Variants in MAP2K4 observed in about 807,000 individuals in gnomAD.
MAP2K4 encodes mitogen-activated protein kinase kinase 4.
A neutral mutation model predicts 48.5 loss-of-function variants in MAP2K4; 4 were observed. The ratio of observed to expected loss-of-function variants is 0.08; its 90% CI spans 0.04 to 0.19. The LOEUF (loss-of-function observed/expected upper bound fraction) is 0.19. Ranked by LOEUF, MAP2K4 falls within the 10% of genes least tolerant of loss-of-function variation. MAP2K4 has a pLI of 1.00. For synonymous variants in MAP2K4, 166 were observed against 173.1 expected (o/e 0.96, Z 0.32); for missense variants, 258 against 493.3 (o/e 0.52, Z 4.52).
intron 1 of MAP2K4, among the ~76,000 whole-genome samples, chr17:12,052,346 G>GTGTA (rs1970168950): frequency 2.0e-5 from 3 of 152,146 alleles, no homozygotes; most frequent in Admixed American, 2.0e-4. Flanking sequence ...CTTCATCATG[G>GTGTA]TGTACGTTTA....
At chr17:12,049,010 G>T (rs1036781117) in intron 1 of MAP2K4, among the ~76,000 whole-genome samples, 2 of 152,066 alleles carry the variant, frequency 1.3e-5, no homozygotes, top group African/African-American at 4.8e-5. Flanking sequence ...CATTACCGTA[G>T]TAATTTAGGG....
chr17:12,023,483 C>G (rs765246386), intron 1 of MAP2K4, among the ~76,000 whole-genome samples: 3 of 152,138 alleles, frequency 2.0e-5, no homozygotes, highest in Non-Finnish European at 4.4e-5. Context: ...TCCTTCTCCC[C>G]CAATCTAATT....
Position 12,032,247 on chromosome 17 carries a change from C to G in MAP2K4, c.115+11246C>G, listed in dbSNP as rs775043720. On this transcript the variant is annotated intron_variant, in intron 1 of 10. Coordinates refer to ENST00000353533, the MANE Select transcript of MAP2K4 (RefSeq NM_003010.4). ...TTGATTTACAGTAAATGAACTGGAA[C>G]TTATCTTTTTTACTTTAGGCTTTCA... 2.6e-5 allele frequency: 36 copies of G among 1,392,450 alleles called. 1 individual carries two copies. The highest frequency in any genetic ancestry group is 2.1e-4 in the Admixed American group (8 of 38,296). The allele number at this position is 1,392,450 out of a possible 1,614,324, so 86.3% of individuals were successfully genotyped here.
At chr17:12,139,115 A>C (rs574481475) in intron 9 of MAP2K4, among the ~76,000 whole-genome samples, 1 of 152,246 alleles carries the variant, frequency 6.6e-6, no homozygotes, top group Non-Finnish European at 1.5e-5. Flanking sequence ...TATGTTACCC[A>C]TATTAATTCA....
intron 1 of MAP2K4, among the ~76,000 whole-genome samples, chr17:12,047,137 C>T (rs17614045): frequency 9.2e-5 from 14 of 151,612 alleles, no homozygotes; most frequent in Non-Finnish European, 1.9e-4. Flanking sequence ...TGCCAGAGGT[C>T]GGAAATGCTG....
chr17:12,129,297 T>TGATTTATGAATGG lies in MAP2K4; in HGVS notation c.1040+11_1040+23dup, dbSNP rs1255939195. The TGATTTATGAATGG allele has an allele frequency of 6.2e-7, 1 of 1,614,216 alleles. No homozygotes were observed. The highest frequency in any genetic ancestry group is 1.3e-5 in the African/African-American group (1 of 75,076). The stretch of plus-strand genomic sequence containing the variant: ...ACTTTGTCAACTTGTGGTGAGTACC[T>TGATTTATGAATGG]GATTTATGAATGGTCGAACACGCAT... On this transcript the variant is annotated intron_variant, in intron 9 of 10. Transcript: ENST00000353533.
At chr17:12,124,260 G>A (rs1972781225) in intron 7 of MAP2K4, 1 of 152,172 alleles carries the variant, frequency 6.6e-6, no homozygotes, top group Non-Finnish European at 1.5e-5. Flanking sequence ...AGGATCCATT[G>A]TCAACTCTGT....
intron 1 of MAP2K4, among the ~76,000 whole-genome samples, chr17:12,037,598 T>C (rs1969640095): frequency 6.6e-6 from 1 of 150,808 alleles, no homozygotes; most frequent in African/African-American, 2.4e-5. Flanking sequence ...TGTCATTTAC[T>C]GCTCTTGGAG....
At chr17:12,126,498 G>T (rs377739562) in intron 8 of MAP2K4, among the ~76,000 whole-genome samples, 1 of 152,168 alleles carries the variant, frequency 6.6e-6, no homozygotes, top group Non-Finnish European at 1.5e-5. Context: ...GCTAGTGAGG[G>T]CTTGCTTCCT....
At chr17:12,090,141 C>G (rs527947995) in intron 3 of MAP2K4, among the ~76,000 whole-genome samples, 2 of 152,256 alleles carry the variant, frequency 1.3e-5, no homozygotes, top group Non-Finnish European at 2.9e-5. Flanking sequence ...TATATAATGA[C>G]CTATTATTTT....
intron 4 of MAP2K4, among the ~76,000 whole-genome samples, chr17:12,096,067 TCCCCCCCCCCCCCC>T (rs570546554): frequency 0.084 from 2,002 of 23,796 alleles, 577 homozygotes; most frequent in African/African-American, 0.28. Context: ...GAGCAACGCC[TCCCCCCCCCCCCCC>T]CCCCCCCGCC....
intron 4 of MAP2K4, among the ~76,000 whole-genome samples, chr17:12,096,544 C>G (rs181035840): frequency 2.0e-5 from 3 of 152,212 alleles, no homozygotes; most frequent in Non-Finnish European, 4.4e-5. Flanking sequence ...TTCAAATACT[C>G]TCTAAAAAAA....
At chr17:12,124,921 C>T (rs1388888777) in intron 7 of MAP2K4, 6 of 196,404 alleles carry the variant, frequency 3.1e-5, no homozygotes, top group African/African-American at 6.9e-5. Context: ...CTGATCCACC[C>T]GCTTCGGCCT....
chr17:12,122,322 C>A (rs1197361573), intron 7 of MAP2K4, among the ~76,000 whole-genome samples: 1 of 152,200 alleles, frequency 6.6e-6, no homozygotes, highest in Non-Finnish European at 1.5e-5. Context: ...TGCTTTTCCT[C>A]TTTAATTATT....
chr17:12,119,854 G>A (rs1972626349), intron 7 of MAP2K4, among the ~76,000 whole-genome samples: 1 of 152,200 alleles, frequency 6.6e-6, no homozygotes, highest in South Asian at 2.1e-4. Context: ...AACATGGATG[G>A]AGCTGTAGGC....
At chr17:12,110,584 T>A (rs1046244002) in intron 6 of MAP2K4, 158 bp downstream of exon 6, 4 of 574,116 alleles carry the variant, frequency 7.0e-6, no homozygotes, top group Non-Finnish European at 1.2e-5. Context: ...CTATTACTGC[T>A]ATTTTTTTCT....
intron 7 of MAP2K4, among the ~76,000 whole-genome samples, chr17:12,117,992 T>C (rs1466850060): frequency 2.6e-5 from 4 of 152,172 alleles, no homozygotes; most frequent in South Asian, 4.1e-4. Flanking sequence ...TGCCATTTGA[T>C]GGTATGCTCA....
rs187029853 is a variant in MAP2K4 at position 12,080,434 on chromosome 17, T to G, written c.219-922T>G. ...GAGAGAGCAAGAGAGAGAAACAGAT[T>G]GATTTTACATTTTTCATTGGATTTA... On this transcript the variant is annotated intron_variant, in intron 2 of 10. Transcript: ENST00000353533. 4.3e-3 allele frequency among the ~76,000 whole-genome samples: 653 copies of G among 152,274 alleles called. 2 individuals carry two copies. Among genetic ancestry groups the G allele is most frequent in the Admixed American group, 5.9e-3 (90 of 15,302 alleles).
intron 1 of MAP2K4, among the ~76,000 whole-genome samples, chr17:12,043,797 G>A (rs1031951056): frequency 3.3e-5 from 5 of 152,088 alleles, no homozygotes; most frequent in African/African-American, 1.2e-4. Flanking sequence ...CAATCTGGAA[G>A]CTCCCCGAAC....
Sources: allele counts gnomAD v4.1 joint callset (sites outside exome capture counted in the v4.1 genomes callset), GRCh38; gene constraint gnomAD v4.1.1; transcripts MANE v1.5; gene names NCBI Gene and HGNC (gene_info 2026-07-23, HGNC 2026-07-21).